OSBPL10: variants seen among roughly 807,000 people sequenced by gnomAD.
OSBPL10 encodes oxysterol binding protein like 10.
Under a neutral mutation model 81.7 loss-of-function variants are expected in OSBPL10, and 49 were observed. The ratio of observed to expected loss-of-function variants is 0.60; its 90% CI spans 0.48 to 0.76. The LOEUF (loss-of-function observed/expected upper bound fraction) is 0.76. OSBPL10 is among the 30% of genes least tolerant of loss of function. The pLI, the probability that OSBPL10 is intolerant of heterozygous loss-of-function variation, is 0.00. For synonymous variants in OSBPL10, 419 were observed against 383.6 expected (o/e 1.09, Z -1.08); for missense variants, 923 against 987.8 (o/e 0.93, Z 0.88).
intron 4 of OSBPL10, among the ~76,000 whole-genome samples, chr3:31,785,840 G>A (rs1277707570): frequency 6.6e-6 from 1 of 152,110 alleles, no homozygotes; most frequent in Admixed American, 6.5e-5. Flanking sequence ...CTGAAATTCA[G>A]AGAACCTTAC....
At chr3:31,929,872 G>A (rs957387601) in intron 1 of OSBPL10, among the ~76,000 whole-genome samples, 2 of 152,004 alleles carry the variant, frequency 1.3e-5, no homozygotes, top group African/African-American at 4.8e-5. Context: ...GGCGACTCAT[G>A]CCTGTAATCC....
intron 2 of OSBPL10, among the ~76,000 whole-genome samples, chr3:32,044,938 G>C (rs2125561213): frequency 6.6e-6 from 1 of 152,108 alleles, no homozygotes; most frequent in Middle Eastern, 3.4e-3. Context: ...GATTTTTGAG[G>C]GCAAACTAGG....
At chr3:32,031,151 G>C (rs1396282881) in intron 2 of OSBPL10, among the ~76,000 whole-genome samples, 3 of 151,122 alleles carry the variant, frequency 2.0e-5, no homozygotes, top group African/African-American at 7.3e-5. Flanking sequence ...GCGACCAAGA[G>C]AGACTCCATC....
At chr3:31,981,557 G>C (rs1160751805), upstream of OSBPL10, among the ~76,000 whole-genome samples, 1 of 152,144 alleles carries the variant, frequency 6.6e-6, no homozygotes, top group South Asian at 2.1e-4. The surrounding 1 kb of genome is among the most constrained non-coding windows in gnomAD (Gnocchi z 4.5). Context: ...GATCTGCAGG[G>C]TGGGCACGCC....
In OSBPL10 at chr3:31,987,144, A is replaced by C. The variant is rs573037490; in HGVS notation, n.298+59347T>G. On this transcript the variant is annotated intron_variant and non_coding_transcript_variant, in intron 2 of 3. Transcript: ENST00000479173. ...CACACACACACACACATATATATAC[A>C]TCTCCTTCCCTTCGTCCAGACACTC... 1.1e-4 allele frequency among the ~76,000 whole-genome samples: 17 copies of C among 152,236 alleles called. No individual in the cohort carries two copies. The South Asian group carries it at 3.5e-3, about 32-fold the overall frequency.
intron 2 of OSBPL10, among the ~76,000 whole-genome samples, chr3:32,015,409 C>T (rs1335434071): frequency 6.6e-6 from 1 of 152,194 alleles, no homozygotes; most frequent in Non-Finnish European, 1.5e-5. Context: ...AAAGCTGAAA[C>T]TGGATCCCTT....
chr3:31,689,057 G>C (rs1243474449), intron 7 of OSBPL10, among the ~76,000 whole-genome samples: 1 of 152,048 alleles, frequency 6.6e-6, no homozygotes, highest in Non-Finnish European at 1.5e-5. Flanking sequence ...CAAAGGCTCT[G>C]CTCAGCAACT....
At chr3:31,807,191 T>A (rs1241281811) in intron 4 of OSBPL10, among the ~76,000 whole-genome samples, 2 of 150,524 alleles carry the variant, frequency 1.3e-5, no homozygotes, top group African/African-American at 4.9e-5. Flanking sequence ...ACCAGCCTGG[T>A]CAACATGGTG....
intron 4 of OSBPL10, among the ~76,000 whole-genome samples, chr3:31,765,214 T>G (rs112830709): frequency 0.03 from 4,506 of 151,972 alleles, 94 homozygotes; most frequent in East Asian, 0.042. Flanking sequence ...TTTTGTTTTT[T>G]TTTTGTAGAG....
In OSBPL10 at chr3:31,723,539, TACACAC is replaced by T. The variant is rs35189802; in HGVS notation, c.1095+9712_1095+9717del. ...TGGCTTACTCACTTGCTCTGTTTCT[TACACAC>T]ACACACACACACACACACACACACA... On this transcript the variant is annotated intron_variant, in intron 6 of 11. Coordinates refer to ENST00000396556, the MANE Select transcript of OSBPL10 (RefSeq NM_017784.5). Among the ~76,000 whole-genome samples, 465 of 125,082 alleles carry T rather than the reference TACACAC, an allele frequency of 3.7e-3. 5 individuals carry two copies. Among genetic ancestry groups the T allele is most frequent in the African/African-American group, 0.015 (395 of 26,426 alleles). The allele number at this position is 125,082 out of a possible 152,430, so 82.1% of individuals were successfully genotyped here.
chr3:31,956,210 A>G (rs2125453793), intron 1 of OSBPL10, among the ~76,000 whole-genome samples: 1 of 152,344 alleles, frequency 6.6e-6, no homozygotes, highest in Non-Finnish European at 1.5e-5. Flanking sequence ...TTTTGAGCCT[A>G]TATAAATGCC....
At chr3:31,959,585 A>C (rs1408533955) in intron 1 of OSBPL10, among the ~76,000 whole-genome samples, 1 of 152,228 alleles carries the variant, frequency 6.6e-6, no homozygotes, top group Non-Finnish European at 1.5e-5. Context: ...TCAGGGCATC[A>C]GCTAGATAAT....
intron 2 of OSBPL10, among the ~76,000 whole-genome samples, chr3:31,988,125 C>G (rs1353583590): frequency 6.6e-6 from 1 of 152,212 alleles, no homozygotes; most frequent in Non-Finnish European, 1.5e-5. Flanking sequence ...CTTTGCACCT[C>G]CTGTTTCCGC....
chr3:31,754,038 A>C (rs749562150), intron 4 of OSBPL10, among the ~76,000 whole-genome samples: 1 of 152,178 alleles, frequency 6.6e-6, no homozygotes, highest in Non-Finnish European at 1.5e-5. Context: ...TCACACCTGA[A>C]CAATTTTGTC....
chr3:31,777,856 C>T (rs1470079416), intron 4 of OSBPL10, among the ~76,000 whole-genome samples: 3 of 152,242 alleles, frequency 2.0e-5, no homozygotes, highest in Non-Finnish European at 4.4e-5. Flanking sequence ...CTTTTAGGCA[C>T]TCCCATTCTC....
chr3:31,751,249 G>A (rs1697707860), intron 4 of OSBPL10, among the ~76,000 whole-genome samples: 1 of 152,148 alleles, frequency 6.6e-6, no homozygotes, highest in Non-Finnish European at 1.5e-5. Context: ...TCAGGAGGCT[G>A]AGATGGGAGG....
chr3:31,797,081 T>G (rs955062003), intron 4 of OSBPL10, among the ~76,000 whole-genome samples: 1 of 149,962 alleles, frequency 6.7e-6, no homozygotes, highest in Non-Finnish European at 1.5e-5. Context: ...TGCAAACTCT[T>G]TCTCCCGGGT....
intron 7 of OSBPL10, among the ~76,000 whole-genome samples, chr3:31,690,774 T>C (rs1479795880): frequency 2.0e-5 from 3 of 152,180 alleles, no homozygotes; most frequent in Non-Finnish European, 2.9e-5. Flanking sequence ...CTGTTGTGTG[T>C]TTCATTGGAG....
At chr3:32,008,106 A>G (rs1699221057) in intron 2 of OSBPL10, among the ~76,000 whole-genome samples, 1 of 152,044 alleles carries the variant, frequency 6.6e-6, no homozygotes, top group Admixed American at 6.6e-5. Flanking sequence ...TTTGGGGGCC[A>G]TTACTCAGCC....
Sources: allele counts gnomAD v4.1 joint callset (sites outside exome capture counted in the v4.1 genomes callset), GRCh38; gene constraint gnomAD v4.1.1; non-coding constraint Gnocchi (gnomAD v3.1); transcripts MANE v1.5; gene names NCBI Gene and HGNC (gene_info 2026-07-23, HGNC 2026-07-21).